Variants in MMP16 observed in about 807,000 individuals in gnomAD.
MMP16 encodes the protein matrix metallopeptidase 16, also known as matrix metalloproteinase-16.
In MMP16, 12 loss-of-function variants were observed where a neutral mutation model predicts 67.8. The ratio of observed to expected loss-of-function variants is 0.18; its 90% CI spans 0.11 to 0.29. The LOEUF (loss-of-function observed/expected upper bound fraction) is 0.29, where lower values mean the gene tolerates loss of function less well. Among genes scored for constraint, MMP16 ranks in the 10% least tolerant of loss-of-function variants. MMP16 has a pLI of 1.00. For synonymous variants in MMP16, 249 were observed against 255.9 expected, an observed-to-expected ratio of 0.97 and a Z score of 0.26; for missense variants, 475 against 765.7, an observed-to-expected ratio of 0.62 and a Z score of 4.48.
chr8:88,084,160 G>A (rs1333405880), intron 6 of MMP16, among the ~76,000 whole-genome samples: 1 of 151,980 alleles, frequency 6.6e-6, no homozygotes, highest in African/African-American at 2.4e-5. Flanking sequence ...GCAAAGTTAT[G>A]TCAGTTGCCA....
rs535566015 is a variant in MMP16, at chr8:88,288,852, T to C, written c.132+38223A>G. Among the ~76,000 whole-genome samples, 3 of 152,324 alleles carry C rather than the reference T, an allele frequency of 2.0e-5. 1 individual carries two copies. The South Asian group carries it at 6.2e-4, about 32-fold the overall frequency. On this transcript the variant is annotated intron_variant, in intron 1 of 9. Transcript: ENST00000286614. ...ACTCATTCACTCTTCTCTAAGTCAT[T>C]TATCACACTCATTTTATCTCTTCAT... is the stretch of plus-strand genomic sequence containing the variant.
intron 4 of MMP16, among the ~76,000 whole-genome samples, chr8:88,119,510 T>C (rs1413682170): frequency 6.6e-6 from 1 of 152,080 alleles, no homozygotes; most frequent in Non-Finnish European, 1.5e-5. Flanking sequence ...ATATGTAATC[T>C]GAACAAAATA....
chr8:88,092,701 GCTT>G (rs1208176621), intron 6 of MMP16, among the ~76,000 whole-genome samples: 1 of 151,762 alleles, frequency 6.6e-6, no homozygotes, highest in Non-Finnish European at 1.5e-5. Context: ...GCAGAAATGT[GCTT>G]TTTTGAAATA....
intron 1 of MMP16, among the ~76,000 whole-genome samples, chr8:88,217,080 T>C (rs560683108): frequency 6.9e-4 from 105 of 152,090 alleles, no homozygotes; most frequent in Non-Finnish European, 1.3e-3. Flanking sequence ...AGTATCATTG[T>C]TCTTCCAATG....
chr8:88,213,046 C>T (rs1272958746), intron 1 of MMP16, among the ~76,000 whole-genome samples: 1 of 152,038 alleles, frequency 6.6e-6, no homozygotes, highest in African/African-American at 2.4e-5. Flanking sequence ...TGGTTGAAAG[C>T]ATTTTTTTGT....
chr8:88,321,470 G>A (rs956212209), intron 1 of MMP16, among the ~76,000 whole-genome samples: 8 of 151,962 alleles, frequency 5.3e-5, no homozygotes, highest in African/African-American at 1.9e-4. Context: ...TTGCTACCTT[G>A]GCCAAAACTA....
At chr8:88,137,007 A>G (rs1808130630) in intron 4 of MMP16, among the ~76,000 whole-genome samples, 2 of 151,758 alleles carry the variant, frequency 1.3e-5, no homozygotes, top group Non-Finnish European at 2.9e-5. Flanking sequence ...CCAGGACTGT[A>G]TGGAACTCCA....
chr8:88,138,711 C>T (rs540277996), intron 4 of MMP16, among the ~76,000 whole-genome samples: 1 of 152,132 alleles, frequency 6.6e-6, no homozygotes, highest in Admixed American at 6.6e-5. Flanking sequence ...CTAAGATCAC[C>T]TAAGTATGTA....
At chr8:88,142,714 T>A (rs1028667558) in intron 4 of MMP16, among the ~76,000 whole-genome samples, 1 of 152,126 alleles carries the variant, frequency 6.6e-6, no homozygotes, top group Non-Finnish European at 1.5e-5. Context: ...TATTTTAATA[T>A]TTATTATTTA....
At chr8:88,102,973 C>T (rs1182303822) in intron 6 of MMP16, among the ~76,000 whole-genome samples, 1 of 151,858 alleles carries the variant, frequency 6.6e-6, no homozygotes, top group East Asian at 2.0e-4. Flanking sequence ...CATTCTTAGT[C>T]TATTCTGTTG....
chr8:88,161,674 C>G (rs1808626239), intron 4 of MMP16, among the ~76,000 whole-genome samples: 1 of 151,996 alleles, frequency 6.6e-6, no homozygotes, highest in African/African-American at 2.4e-5. Flanking sequence ...TTCCTGCTTT[C>G]TCTCGTGGGC....
intron 4 of MMP16, among the ~76,000 whole-genome samples, chr8:88,144,516 A>G (rs1808260637): frequency 6.6e-6 from 1 of 151,878 alleles, no homozygotes; most frequent in Non-Finnish European, 1.5e-5. Context: ...GGTTTAAAAA[A>G]TTAAAATGAA....
Position 88,075,493 on chromosome 8 carries a change from C to T in MMP16, c.1084-750G>A, listed in dbSNP as rs567491622. On this transcript the variant is annotated intron_variant, in intron 6 of 9. Coordinates refer to ENST00000286614, the MANE Select transcript of MMP16 (RefSeq NM_005941.5). ...TTGTTTAATTAATAATTGGCCTACA[C>T]ACAATATGTTTCACCATAATACTTA... 6.6e-5 allele frequency among the ~76,000 whole-genome samples: 10 copies of T among 152,162 alleles called. No individual in the cohort carries two copies. In the East Asian group the frequency reaches 1.7e-3, roughly 27 times the overall value.
Position 88,058,084 on chromosome 8 carries a change from C to G in MMP16, c.1223-1806G>C, listed in dbSNP as rs954785784. ...AAAGAAAGAGAAGGTAATAAATATG[C>G]AAAGAATATTGGGAAGTGCATTCAG... On this transcript the variant is annotated intron_variant, in intron 7 of 9. Coordinates refer to ENST00000286614, the MANE Select transcript of MMP16 (RefSeq NM_005941.5). The surrounding 1 kb of genome is among the most constrained non-coding windows in gnomAD (Gnocchi z 4.2). Among the ~76,000 whole-genome samples, 1 of 152,038 alleles carries G rather than the reference C, an allele frequency of 6.6e-6. No homozygotes were observed. Among genetic ancestry groups the G allele is most frequent in the Non-Finnish European group, 1.5e-5 (1 of 67,992 alleles).
chr8:88,083,808 C>T (rs1222190806), intron 6 of MMP16, among the ~76,000 whole-genome samples: 2 of 151,950 alleles, frequency 1.3e-5, no homozygotes, highest in African/African-American at 4.8e-5. Flanking sequence ...CTGGTTCAAG[C>T]AAGAACCATC....
intron 4 of MMP16, among the ~76,000 whole-genome samples, chr8:88,159,545 G>A (rs557554310): frequency 5.9e-5 from 9 of 152,032 alleles, no homozygotes; most frequent in Admixed American, 1.3e-4. Flanking sequence ...TTGCTTATGG[G>A]GTTTCTAAAT....
At position 88,058,542 on chromosome 8, in the gene MMP16, T is replaced by C. The variant is rs949707629; in HGVS notation, c.1223-2264A>G. Among the ~76,000 whole-genome samples, 4 of 152,022 alleles carry C rather than the reference T, an allele frequency of 2.6e-5. No individual in the cohort carries two copies. The highest frequency in any genetic ancestry group is 9.7e-5 in the African/African-American group (4 of 41,416). On this transcript the variant is annotated intron_variant, in intron 7 of 9. Coordinates refer to ENST00000286614, the MANE Select transcript of MMP16 (RefSeq NM_005941.5). The surrounding 1 kb of genome is among the most constrained non-coding windows in gnomAD (Gnocchi z 4.2). ...TTCAGAAAGCAAAGTGCTATACAAA[T>C]GGAGAAAGAAAAAAGGATATTAAGG... is the stretch of plus-strand genomic sequence containing the variant.
chr8:88,215,427 GA>G (rs1239037502), intron 1 of MMP16, among the ~76,000 whole-genome samples: 1 of 152,096 alleles, frequency 6.6e-6, no homozygotes, highest in Non-Finnish European at 1.5e-5. Context: ...GCAGAGGCTA[GA>G]GAGGTTAACC....
At chr8:88,259,613 AAG>A (rs1201506772) in intron 1 of MMP16, among the ~76,000 whole-genome samples, 1 of 152,166 alleles carries the variant, frequency 6.6e-6, no homozygotes, top group Non-Finnish European at 1.5e-5. Context: ...AAATAAAAAA[AAG>A]AAAGGAAAGA....
Sources: allele counts gnomAD v4.1 joint callset (sites outside exome capture counted in the v4.1 genomes callset), GRCh38; gene constraint gnomAD v4.1.1; non-coding constraint Gnocchi (gnomAD v3.1); transcripts MANE v1.5; gene names NCBI Gene and HGNC (gene_info 2026-07-23, HGNC 2026-07-21).